UNC5D: variants seen among roughly 807,000 people sequenced by gnomAD.
The protein encoded by UNC5D is netrin receptor UNC5D.
A neutral mutation model predicts 105.4 loss-of-function variants in UNC5D; 39 were observed. The observed-to-expected ratio is 0.37, with a 90% CI of 0.29 to 0.48. UNC5D has a LOEUF of 0.48. UNC5D is among the 20% of genes least tolerant of loss of function. UNC5D has a pLI of 0.98. For synonymous variants in UNC5D, 452 were observed against 450.4 expected (o/e 1.00, Z -0.04); for missense variants, 991 against 1,202.4 (o/e 0.82, Z 2.60).
chr8:35,578,470 G>A (rs1474124230), intron 3 of UNC5D, among the ~76,000 whole-genome samples: 1 of 152,084 alleles, frequency 6.6e-6, no homozygotes, highest in Non-Finnish European at 1.5e-5. Flanking sequence ...GATAGACATG[G>A]CACATGTTTC....
chr8:35,271,142 A>C (rs924454879), intron 1 of UNC5D, among the ~76,000 whole-genome samples: 1 of 150,562 alleles, frequency 6.6e-6, no homozygotes, highest in Non-Finnish European at 1.5e-5. Flanking sequence ...AAAAAATTTG[A>C]TTTTGGAGAT....
At chr8:35,337,722 T>C (rs1811149538) in intron 1 of UNC5D, among the ~76,000 whole-genome samples, 1 of 152,060 alleles carries the variant, frequency 6.6e-6, no homozygotes, top group South Asian at 2.1e-4. Flanking sequence ...CCTCTTTCTA[T>C]GCAACTATAG....
At chr8:35,480,508 A>G (rs535497846) in intron 1 of UNC5D, among the ~76,000 whole-genome samples, 5 of 152,314 alleles carry the variant, frequency 3.3e-5, no homozygotes, top group Middle Eastern at 3.4e-3. Context: ...CCTGGCAGAA[A>G]GAGAAGATGA....
intron 4 of UNC5D, among the ~76,000 whole-genome samples, chr8:35,635,699 G>A (rs778830082): frequency 4.6e-5 from 7 of 152,122 alleles, no homozygotes; most frequent in East Asian, 1.9e-4. Flanking sequence ...ATACCCTGCC[G>A]GCTTTCACAA....
intron 3 of UNC5D, among the ~76,000 whole-genome samples, chr8:35,589,837 C>T (rs1162714406): frequency 2.0e-5 from 3 of 152,078 alleles, no homozygotes; most frequent in African/African-American, 7.2e-5. Context: ...ATATTCTTTC[C>T]TTTTTATTGC....
chr8:35,704,414 G>C (rs1827405676), intron 7 of UNC5D, among the ~76,000 whole-genome samples: 1 of 151,694 alleles, frequency 6.6e-6, no homozygotes, highest in Non-Finnish European at 1.5e-5. Flanking sequence ...TGCGTGGGAA[G>C]GGTGATGGTG....
intron 7 of UNC5D, among the ~76,000 whole-genome samples, chr8:35,696,778 A>C (rs186791281): frequency 6.6e-6 from 1 of 152,328 alleles, no homozygotes; most frequent in East Asian, 1.9e-4. Flanking sequence ...AGACGCTATC[A>C]TTAACTCTAT....
rs540784733 is a variant in UNC5D, at chr8:35,293,268, T to A, written c.103+57381T>A. ...GGAATAAATTATAATTTATCTGAAT[T>A]TTTGCTTTTTTATTTCCTCTAAAAA... is the stretch of plus-strand genomic sequence containing the variant. On this transcript the variant is annotated intron_variant, in intron 1 of 16. Coordinates refer to ENST00000404895, the MANE Select transcript of UNC5D (RefSeq NM_080872.4). 3.1e-3 allele frequency among the ~76,000 whole-genome samples: 466 copies of A among 152,140 alleles called. 2 individuals carry two copies. Among genetic ancestry groups the A allele is most frequent in the African/African-American group, 0.011 (441 of 41,516 alleles).
At chr8:35,472,147 TG>T (rs1809779349) in intron 1 of UNC5D, among the ~76,000 whole-genome samples, 8 of 152,208 alleles carry the variant, frequency 5.3e-5, no homozygotes, top group Non-Finnish European at 1.2e-4. Flanking sequence ...AATCTTGATT[TG>T]TATATTTAGA....
At chr8:35,655,443 G>A (rs1189397019) in intron 4 of UNC5D, among the ~76,000 whole-genome samples, 1 of 152,156 alleles carries the variant, frequency 6.6e-6, no homozygotes, top group Non-Finnish European at 1.5e-5. Context: ...TTTCTAACTA[G>A]CTCTCTAACT....
chr8:35,732,408 A>G (rs1332144336), intron 11 of UNC5D, among the ~76,000 whole-genome samples: 3 of 152,160 alleles, frequency 2.0e-5, no homozygotes, highest in Non-Finnish European at 4.4e-5. Context: ...TTACTTGTAT[A>G]TCTGAAAAAG....
chr8:35,480,043 C>G (rs1810375414), intron 1 of UNC5D, among the ~76,000 whole-genome samples: 1 of 152,174 alleles, frequency 6.6e-6, no homozygotes, highest in Non-Finnish European at 1.5e-5. Context: ...CCTAACAGAT[C>G]ACTCTGAGTT....
chr8:35,393,857 A>G (rs1803933209), intron 1 of UNC5D, among the ~76,000 whole-genome samples: 1 of 152,198 alleles, frequency 6.6e-6, no homozygotes, highest in Non-Finnish European at 1.5e-5. Context: ...TGTAGATCTT[A>G]AAGATCATTT....
At chr8:35,521,063 A>G (rs1243967759) in intron 1 of UNC5D, among the ~76,000 whole-genome samples, 1 of 152,158 alleles carries the variant, frequency 6.6e-6, no homozygotes, top group Non-Finnish European at 1.5e-5. Context: ...ACAAAGGGTG[A>G]TGTCATGGAG....
At chr8:35,292,716 CT>C (rs35935733) in intron 1 of UNC5D, among the ~76,000 whole-genome samples, 245 of 123,592 alleles carry the variant, frequency 2.0e-3, no homozygotes, top group East Asian at 6.7e-3. Flanking sequence ...CTTTTTTTTC[CT>C]TTTTTTTTTT....
intron 3 of UNC5D, among the ~76,000 whole-genome samples, chr8:35,590,936 A>G (rs977660157): frequency 6.6e-6 from 1 of 152,178 alleles, no homozygotes; most frequent in African/African-American, 2.4e-5. Context: ...ATGATATATT[A>G]TGCATCTTTC....
chr8:35,309,246 T>C (rs534459180), intron 1 of UNC5D, among the ~76,000 whole-genome samples: 1 of 152,264 alleles, frequency 6.6e-6, no homozygotes, highest in South Asian at 2.1e-4. Context: ...TTAATAACAG[T>C]GCTACCAAAA....
chr8:35,684,770 C>A, intron 6 of UNC5D, 21 bp downstream of exon 6: 1 of 1,587,216 alleles, frequency 6.3e-7, no homozygotes, highest in South Asian at 1.2e-5. Flanking sequence ...TGCAGATTCC[C>A]TTTTCCCTTC....
intron 1 of UNC5D, among the ~76,000 whole-genome samples, chr8:35,360,350 G>C (rs1412881072): frequency 6.6e-6 from 1 of 152,130 alleles, no homozygotes; most frequent in East Asian, 1.9e-4. Flanking sequence ...TGTAGGGAGG[G>C]CTTTCATTAG....
Sources: gnomAD v4.1 joint callset for allele counts (sites outside exome capture counted in the v4.1 genomes callset) on GRCh38, gnomAD v4.1.1 for gene constraint, MANE v1.5 for transcripts, NCBI Gene and HGNC (gene_info 2026-07-23, HGNC 2026-07-21) for gene names.